NR3C2: variants seen among roughly 807,000 people sequenced by gnomAD.
NR3C2 encodes the protein nuclear receptor subfamily 3 group C member 2, also known as mineralocorticoid receptor.
Under a neutral mutation model 86.4 loss-of-function variants are expected in NR3C2, and 15 were observed. The ratio of observed to expected loss-of-function variants is 0.17; its 90% CI spans 0.12 to 0.27. The LOEUF (loss-of-function observed/expected upper bound fraction) is 0.27. Ranked by LOEUF, NR3C2 falls within the 10% of genes least tolerant of loss-of-function variation. The pLI is 1.00. For missense variants in NR3C2, 960 were observed against 1,195.6 expected (o/e 0.80, Z 2.91); for synonymous variants, 458 against 450.5 (o/e 1.02, Z -0.21).
chr4:148,250,461 A>C (rs2149859529), intron 3 of NR3C2, among the ~76,000 whole-genome samples: 1 of 152,282 alleles, frequency 6.6e-6, no homozygotes, highest in Admixed American at 6.5e-5. Flanking sequence ...CACGACACCA[A>C]GCAGCCCTGT....
chr4:148,146,283 G>C (rs1462519839), intron 6 of NR3C2, among the ~76,000 whole-genome samples: 2 of 152,140 alleles, frequency 1.3e-5, no homozygotes, highest in African/African-American at 2.4e-5. Flanking sequence ...ACCACTCCCT[G>C]TGGGAAGGGA....
At chr4:148,272,139 C>T (rs116801303) in intron 2 of NR3C2, among the ~76,000 whole-genome samples, 7,704 of 152,202 alleles carry the variant, frequency 0.051, 236 homozygotes, top group African/African-American at 0.093. Flanking sequence ...ATAATTAGAA[C>T]TCATATTCTA....
intron 2 of NR3C2, among the ~76,000 whole-genome samples, chr4:148,416,326 T>C (rs1748994502): frequency 6.6e-6 from 1 of 152,218 alleles, no homozygotes; most frequent in African/African-American, 2.4e-5. Flanking sequence ...AGCAAATACA[T>C]TTATGTAGGA....
At chr4:148,381,224 T>C (rs1646787731) in intron 2 of NR3C2, among the ~76,000 whole-genome samples, 1 of 133,152 alleles carries the variant, frequency 7.5e-6, no homozygotes, top group African/African-American at 3.0e-5. Context: ...CGAGACCCTG[T>C]CTCAAAAGAA....
At chr4:148,306,226 A>G (rs1742614265) in intron 2 of NR3C2, among the ~76,000 whole-genome samples, 1 of 152,246 alleles carries the variant, frequency 6.6e-6, no homozygotes, top group Non-Finnish European at 1.5e-5. Flanking sequence ...AGCAAGAGGT[A>G]AAACAGGGTC....
chr4:148,349,895 T>G (rs1294293942), intron 2 of NR3C2, among the ~76,000 whole-genome samples: 1 of 152,144 alleles, frequency 6.6e-6, no homozygotes, highest in Non-Finnish European at 1.5e-5. Context: ...GTTATAAGGC[T>G]GCAGGAAAAC....
At chr4:148,269,775 A>G (rs1740581310) in intron 2 of NR3C2, among the ~76,000 whole-genome samples, 5 of 152,232 alleles carry the variant, frequency 3.3e-5, no homozygotes, top group Admixed American at 3.3e-4. Context: ...TCAGGGAAGG[A>G]ATCATGAACT....
intron 6 of NR3C2, among the ~76,000 whole-genome samples, chr4:148,125,146 G>C (rs1045776708): frequency 2.6e-5 from 4 of 152,218 alleles, no homozygotes; most frequent in African/African-American, 9.6e-5. Context: ...ACTGCCATGG[G>C]TATAAGCATT....
At chr4:148,394,058 G>C (rs563821490) in intron 2 of NR3C2, among the ~76,000 whole-genome samples, 111 of 152,120 alleles carry the variant, frequency 7.3e-4, no homozygotes, top group Non-Finnish European at 1.9e-4. Flanking sequence ...GCCATTTCAG[G>C]AGCTTGGGCT....
chr4:148,198,810 G>T (rs1432038579), intron 3 of NR3C2, among the ~76,000 whole-genome samples: 2 of 151,984 alleles, frequency 1.3e-5, no homozygotes, highest in Non-Finnish European at 2.9e-5. Flanking sequence ...GCCAGGTGCG[G>T]TGGCTCACGC....
At chr4:148,365,327 C>T (rs1336906550) in intron 2 of NR3C2, among the ~76,000 whole-genome samples, 1 of 152,076 alleles carries the variant, frequency 6.6e-6, no homozygotes, top group Non-Finnish European at 1.5e-5. Context: ...TATATCAGGG[C>T]TTAAAAAGTC....
chr4:148,155,533 A>G (rs1382414537), intron 4 of NR3C2, among the ~76,000 whole-genome samples: 1 of 152,184 alleles, frequency 6.6e-6, no homozygotes, highest in African/African-American at 2.4e-5. Flanking sequence ...AGAGAATAAA[A>G]TACCTAGGAA....
At chr4:148,132,286 C>A (rs997096872) in intron 6 of NR3C2, among the ~76,000 whole-genome samples, 3 of 152,144 alleles carry the variant, frequency 2.0e-5, no homozygotes, top group Admixed American at 6.5e-5. Context: ...CAGACCAGTA[C>A]CAATACAATT....
chr4:148,273,661 AG>A (rs1481014911), intron 2 of NR3C2, among the ~76,000 whole-genome samples: 1 of 152,174 alleles, frequency 6.6e-6, no homozygotes, highest in Non-Finnish European at 1.5e-5. Context: ...GGAACTTAGA[AG>A]AGCCAACACA....
chr4:148,105,017 A>G (rs1731729173), intron 8 of NR3C2, among the ~76,000 whole-genome samples: 1 of 152,248 alleles, frequency 6.6e-6, no homozygotes, highest in South Asian at 2.1e-4. Flanking sequence ...AATGGTGGAC[A>G]TAGCCAAATG....
intron 2 of NR3C2, among the ~76,000 whole-genome samples, chr4:148,261,261 G>T (rs1244724553): frequency 7.6e-6 from 1 of 130,764 alleles, no homozygotes; most frequent in Non-Finnish European, 1.7e-5. Context: ...ACTATGGTCA[G>T]CGCTATGGTG....
At chr4:148,289,273 C>CAAA (rs34696054) in intron 2 of NR3C2, among the ~76,000 whole-genome samples, 12 of 130,824 alleles carry the variant, frequency 9.2e-5, no homozygotes, top group East Asian at 4.5e-4. Flanking sequence ...TATTTACAGC[C>CAAA]AAAAAAAAAA....
intron 2 of NR3C2, among the ~76,000 whole-genome samples, chr4:148,353,551 A>G (rs1204363800): frequency 6.6e-6 from 1 of 152,190 alleles, no homozygotes; most frequent in African/African-American, 2.4e-5. Flanking sequence ...AAAAGCATAC[A>G]ATTTTTCCTT....
chr4:148,088,902 A>G (rs1417837540), intron 8 of NR3C2, among the ~76,000 whole-genome samples: 3 of 151,920 alleles, frequency 2.0e-5, no homozygotes, highest in Non-Finnish European at 4.4e-5. Context: ...GCAATTCCAA[A>G]TCAGAAAAAA....
Sources: gnomAD v4.1 joint callset for allele counts (sites outside exome capture counted in the v4.1 genomes callset) on GRCh38, gnomAD v4.1.1 for gene constraint, MANE v1.5 for transcripts, NCBI Gene and HGNC (gene_info 2026-07-23, HGNC 2026-07-21) for gene names.